Variants in PHLDB2 observed in about 807,000 individuals in gnomAD.
The protein encoded by PHLDB2 is pleckstrin homology-like domain family B member 2.
In PHLDB2, 71 loss-of-function variants were observed where a neutral mutation model predicts 123.6. That is an observed-to-expected ratio of 0.57 (90% confidence interval 0.47 to 0.70). The LOEUF is 0.70. PHLDB2 is among the 30% of genes least tolerant of loss of function. The pLI is 0.00. For synonymous variants in PHLDB2, 547 were observed against 541.6 expected (o/e 1.01, Z -0.14); for missense variants, 1,446 against 1,519.5 (o/e 0.95, Z 0.80).
chr3:111,844,487 A>T (rs937553), intron 1 of PHLDB2, among the ~76,000 whole-genome samples: 107,748 of 151,886 alleles, frequency 0.71, 38,460 homozygotes, highest in Middle Eastern at 0.85. Flanking sequence ...AGAATCAATA[A>T]ATCATGTTGG....
chr3:111,859,721 A>T, intron 1 of PHLDB2, 145 bp downstream of exon 1: 1 of 984,278 alleles, frequency 1.0e-6, no homozygotes, highest in Non-Finnish European at 1.2e-6. Flanking sequence ...GAGAGGAGGC[A>T]GTGGCTGCCC....
intron 5 of PHLDB2, among the ~76,000 whole-genome samples, chr3:111,923,067 A>G (rs927676846): frequency 1.3e-5 from 2 of 151,198 alleles, no homozygotes; most frequent in African/African-American, 4.9e-5. Context: ...CTACTACCTT[A>G]TCTCTCTTCT....
chr3:111,970,848 T>C (rs1355108726), intron 16 of PHLDB2, among the ~76,000 whole-genome samples: 2 of 152,182 alleles, frequency 1.3e-5, no homozygotes, highest in Non-Finnish European at 2.9e-5. Context: ...TGCAATAAAA[T>C]ATAAATAACA....
At chr3:111,769,149 C>G (rs1461387147) in intron 1 of PHLDB2, among the ~76,000 whole-genome samples, 1 of 152,148 alleles carries the variant, frequency 6.6e-6, no homozygotes, top group Non-Finnish European at 1.5e-5. Context: ...ATCCTGTGGG[C>G]TTGAGCTGTG....
chr3:111,883,474 A>T (rs2107328008), intron 1 of PHLDB2, among the ~76,000 whole-genome samples: 1 of 152,292 alleles, frequency 6.6e-6, no homozygotes, highest in African/African-American at 2.4e-5. Context: ...CTTTGTTATT[A>T]CCTACCTCTG....
At chr3:111,885,680 T>A (rs1161683113) in intron 2 of PHLDB2, 1 of 637,678 alleles carries the variant, frequency 1.6e-6, no homozygotes, top group Admixed American at 2.7e-5. Flanking sequence ...TTTAAAAACA[T>A]AACAGAGGAG....
chr3:111,756,347 G>T (rs1303334453), intron 1 of PHLDB2, among the ~76,000 whole-genome samples: 1 of 152,038 alleles, frequency 6.6e-6, no homozygotes, highest in Non-Finnish European at 1.5e-5. Context: ...CCTGTATTGG[G>T]TGCATATATA....
Position 111,974,614 on chromosome 3 carries a change from A to G in PHLDB2, c.*51A>G, listed in dbSNP as rs764635346. ...GGGCAGACGGCAATAATCTCTTACA[A>G]GAATGAAGCCATATTCAACCCCAGA... On this transcript the variant is annotated 3_prime_UTR_variant, in exon 18 of 18. Coordinates refer to ENST00000431670, the MANE Select transcript of PHLDB2 (RefSeq NM_001134438.2). The G allele has an allele frequency of 1.3e-6, 2 of 1,518,392 alleles. No individual in the cohort carries two copies. Among genetic ancestry groups the G allele is most frequent in the South Asian group, 2.6e-5 (2 of 76,126 alleles). 94.1% of individuals were successfully genotyped at this position (1,518,392 alleles called of 1,614,324 possible). A position where few individuals can be genotyped will look rare whatever the true frequency, so the allele number is the denominator to read the frequency against.
At chr3:111,958,780 A>G (rs977224566) in intron 12 of PHLDB2, 1 of 451,416 alleles carries the variant, frequency 2.2e-6, no homozygotes, top group Middle Eastern at 3.3e-4. Flanking sequence ...CTACATAATT[A>G]AAAAACAGAA....
At chr3:111,955,144 G>GATATATATATATATATATATATAT (rs1553754364) in intron 12 of PHLDB2, among the ~76,000 whole-genome samples, 4 of 145,324 alleles carry the variant, frequency 2.8e-5, no homozygotes, top group African/African-American at 7.6e-5. Flanking sequence ...ATGTATATAT[G>GATATATATATATATATATATATAT]ATATATATAT....
At chr3:111,918,396 AT>A (rs968911258) in intron 3 of PHLDB2, among the ~76,000 whole-genome samples, 1 of 152,236 alleles carries the variant, frequency 6.6e-6, no homozygotes, top group Non-Finnish European at 1.5e-5. Flanking sequence ...AAGAACGTCT[AT>A]AGGACAAAGA....
At chr3:111,874,590 G>A (rs1246542491) in intron 1 of PHLDB2, among the ~76,000 whole-genome samples, 1 of 152,186 alleles carries the variant, frequency 6.6e-6, no homozygotes, top group Admixed American at 6.5e-5. Context: ...TAGCAGGGGG[G>A]TGGGAAATGG....
rs16858868 is a variant in PHLDB2, at chr3:111,918,969, A to T, written c.1720-103A>T. 3 of 1,206,380 alleles carry T rather than the reference A, an allele frequency of 2.5e-6. No homozygotes were observed. The African/African-American group carries it at 4.5e-5, about 18-fold the overall frequency. 74.7% of individuals were successfully genotyped at this position (1,206,380 alleles called of 1,614,324 possible). A position where few individuals can be genotyped will look rare whatever the true frequency, so the allele number is the denominator to read the frequency against. Reference sequence around the variant, plus strand: ...GGATGCTTTTAAAATCTACATGGGCATGGAGACTGTGAGACCCTAGACCTG... The same window carrying T: ...GGATGCTTTTAAAATCTACATGGGCTTGGAGACTGTGAGACCCTAGACCTG... On this transcript the variant is annotated intron_variant, in intron 3 of 17. Transcript: ENST00000431670.
At chr3:111,971,413 A>C (rs2072171887) in intron 16 of PHLDB2, among the ~76,000 whole-genome samples, 1 of 151,912 alleles carries the variant, frequency 6.6e-6, no homozygotes, top group South Asian at 2.1e-4. Context: ...TGTCTTTGCA[A>C]ACCAAAACTT....
intron 1 of PHLDB2, among the ~76,000 whole-genome samples, chr3:111,830,431 T>TA (rs900312806): frequency 3.4e-5 from 5 of 146,810 alleles, no homozygotes; most frequent in Non-Finnish European, 6.0e-5. Context: ...AACAGTGATT[T>TA]AAAAAAAAGA....
chr3:111,732,770 G>A (rs934388452), intron 1 of PHLDB2: 22 of 1,334,492 alleles, frequency 1.6e-5, no homozygotes, highest in African/African-American at 1.2e-4. Context: ...ATACAGCCTC[G>A]TCACCAGAGT....
chr3:111,936,874 CT>C, intron 6 of PHLDB2, among the ~76,000 whole-genome samples: 1 of 152,054 alleles, frequency 6.6e-6, no homozygotes, highest in Non-Finnish European at 1.5e-5. Context: ...AGTGTATGTG[CT>C]TATTATGTCA....
chr3:111,919,764 C>T (rs2068382130), intron 4 of PHLDB2, among the ~76,000 whole-genome samples: 1 of 152,200 alleles, frequency 6.6e-6, no homozygotes. Flanking sequence ...GTAATTCTGC[C>T]TAGGGAAGAT....
chr3:111,860,117 G>T (rs1329307498), intron 1 of PHLDB2, among the ~76,000 whole-genome samples: 1 of 152,098 alleles, frequency 6.6e-6, no homozygotes. Context: ...GAATGTGGGG[G>T]AACTGGGGGC....
Sources: allele counts gnomAD v4.1 joint callset (sites outside exome capture counted in the v4.1 genomes callset), GRCh38; gene constraint gnomAD v4.1.1; transcripts MANE v1.5; gene names NCBI Gene and HGNC (gene_info 2026-07-23, HGNC 2026-07-21).